GET1: variants seen among roughly 807,000 people sequenced by gnomAD.
GET1 encodes guided entry of tail-anchored proteins factor 1, also known as congenital heart disease 5 protein.
Under a neutral mutation model 22.6 loss-of-function variants are expected in GET1, and 20 were observed. The observed-to-expected ratio is 0.89, with a 90% confidence interval of 0.62 to 1.29. The LOEUF (loss-of-function observed/expected upper bound fraction) is 1.29. Ranked by LOEUF, GET1 falls within the 50% of genes most tolerant of loss-of-function variation. The pLI is 0.00. For missense variants in GET1, 209 were observed against 219.9 expected (o/e 0.95, Z 0.31); for synonymous variants, 92 against 83.8 (o/e 1.10, Z -0.53).
At chr21:39,385,826 G>T (rs1260465325) in intron 1 of GET1, among the ~76,000 whole-genome samples, 10 of 152,208 alleles carry the variant, frequency 6.6e-5, no homozygotes, top group African/African-American at 2.4e-4. Flanking sequence ...GACTGGCACG[G>T]GCTCAGAGTC....
chr21:39,403,539 A>C (rs1020951326), intron 4 of GET1, among the ~76,000 whole-genome samples: 2 of 124,084 alleles, frequency 1.6e-5, no homozygotes, highest in Non-Finnish European at 3.4e-5. Context: ...GTTAGCCAGG[A>C]TGGTCTCGAT....
chr21:39,405,789 A>G (rs1158094726), intron 4 of GET1: 3 of 984,478 alleles, frequency 3.0e-6, no homozygotes, highest in South Asian at 1.9e-5. Flanking sequence ...ACACACATAC[A>G]TACACTCCCT....
At chr21:39,411,798 T>C in intron 1 of GET1, 2 of 1,569,936 alleles carry the variant, frequency 1.3e-6, no homozygotes, top group Non-Finnish European at 1.7e-6. Flanking sequence ...CTCACGATCC[T>C]TTTCCTAAAA....
chr21:39,390,081 C>T (rs962166460), intron 1 of GET1, among the ~76,000 whole-genome samples: 5 of 146,374 alleles, frequency 3.4e-5, no homozygotes, highest in Non-Finnish European at 7.4e-5. Context: ...TATAGGGAGC[C>T]GAAAAAGGCA....
downstream of GET1, among the ~76,000 whole-genome samples, chr21:39,402,639 C>T (rs1478746649): frequency 6.6e-6 from 1 of 152,186 alleles, no homozygotes; most frequent in East Asian, 1.9e-4. Context: ...AGCTGAGCAG[C>T]TGATTTAGAA....
At chr21:39,414,742 C>G (rs13050061) in intron 1 of GET1, among the ~76,000 whole-genome samples, 67,064 of 99,788 alleles carry the variant, frequency 0.67, 23,258 homozygotes, top group Admixed American at 0.71. Flanking sequence ...CTCTCTCTCT[C>G]TGTGTGTGTG....
intron 1 of GET1, among the ~76,000 whole-genome samples, chr21:39,418,139 C>A (rs1016468997): frequency 6.6e-6 from 1 of 152,180 alleles, no homozygotes; most frequent in Admixed American, 6.5e-5. Context: ...ATGGGAAAGA[C>A]CTGCCTCTAT....
At chr21:39,401,737 C>T (rs1414422246), downstream of GET1, among the ~76,000 whole-genome samples, 2 of 152,192 alleles carry the variant, frequency 1.3e-5, no homozygotes, top group Admixed American at 6.5e-5. Context: ...ACAGCATGTG[C>T]TCACTTTGTG....
intron 1 of GET1, 50 bp downstream of exon 1, chr21:39,380,536 C>G (rs1450897543): frequency 6.3e-7 from 1 of 1,576,022 alleles, no homozygotes; most frequent in South Asian, 1.1e-5. Flanking sequence ...CCGCCCCAGT[C>G]CCCCGGCGGG....
At chr21:39,416,404 C>T (rs1254433172) in intron 1 of GET1, among the ~76,000 whole-genome samples, 1 of 152,232 alleles carries the variant, frequency 6.6e-6, no homozygotes, top group African/African-American at 2.4e-5. Context: ...CCTTTTGATA[C>T]TACCCTAATG....
At chr21:39,406,295 G>A (rs201027096) in exon 5 of GET1, 1 of 1,614,212 alleles carries the variant, frequency 6.2e-7, no homozygotes, top group East Asian at 2.2e-5. Context: ...AGCCCATGAT[G>A]CAGGTTTTCA....
chr21:39,413,360 A>C (rs1239651229), intron 1 of GET1, among the ~76,000 whole-genome samples: 1 of 152,218 alleles, frequency 6.6e-6, no homozygotes, highest in Non-Finnish European at 1.5e-5. Context: ...GTTTTGAGTT[A>C]GAAGAGACTG....
intron 4 of GET1, among the ~76,000 whole-genome samples, chr21:39,395,332 A>G (rs1336053744): frequency 6.6e-6 from 1 of 151,292 alleles, no homozygotes; most frequent in East Asian, 1.9e-4. Flanking sequence ...ATTTGTGATT[A>G]TGTTAGAGGT....
At chr21:39,392,124 C>T in intron 3 of GET1, 2 of 373,294 alleles carry the variant, frequency 5.4e-6, no homozygotes, top group Non-Finnish European at 9.7e-6. Flanking sequence ...GTTTGAAGGG[C>T]CTGGTGGGAT....
At chr21:39,389,867 G>A (rs894936926) in intron 1 of GET1, among the ~76,000 whole-genome samples, 1 of 152,314 alleles carries the variant, frequency 6.6e-6, no homozygotes, top group South Asian at 2.1e-4. Flanking sequence ...TCTTCTGGGA[G>A]GGGAGAGGTT....
At chr21:39,403,745 CTG>C (rs1054305614) in intron 4 of GET1, among the ~76,000 whole-genome samples, 1 of 151,784 alleles carries the variant, frequency 6.6e-6, no homozygotes, top group African/African-American at 2.4e-5. Flanking sequence ...CCTCAGCCTC[CTG>C]TGTAGCTGGG....
chr21:39,398,992 G>A (rs554588425), downstream of GET1, among the ~76,000 whole-genome samples: 1 of 152,174 alleles, frequency 6.6e-6, no homozygotes, highest in South Asian at 2.1e-4. Context: ...CACCCGCCTC[G>A]GCCTCCCAAA....
intron 1 of GET1, among the ~76,000 whole-genome samples, chr21:39,426,702 G>A (rs1201569468): frequency 6.6e-6 from 1 of 152,222 alleles, no homozygotes; most frequent in African/African-American, 2.4e-5. Context: ...GGATATGAAA[G>A]ATGTTGGGTT....
chr21:39,423,467 T>C lies in GET1; in HGVS notation c.*24-4765T>C, dbSNP rs749578587. The C allele has an allele frequency of 3.8e-6, 6 of 1,566,480 alleles. No homozygotes were observed. In the Admixed American group the frequency reaches 7.7e-5, roughly 20 times the overall value. ...AGTGATGCATTCCAGGTGTGCTTTTTTTCAACTGATATTTCCTTCTGGCCT... is the reference window on the plus strand; with the variant it reads ...AGTGATGCATTCCAGGTGTGCTTTTCTTCAACTGATATTTCCTTCTGGCCT... On this transcript the variant is annotated intron_variant, in intron 1 of 1. Transcript: ENST00000478273.
Sources: allele counts gnomAD v4.1 joint callset (sites outside exome capture counted in the v4.1 genomes callset), GRCh38; gene constraint gnomAD v4.1.1; transcripts MANE v1.5; gene names NCBI Gene and HGNC (gene_info 2026-07-23, HGNC 2026-07-21).